Variants in TSHZ3 observed in about 807,000 individuals in gnomAD.
TSHZ3 encodes the protein teashirt zinc finger homeobox 3.
In TSHZ3, 10 loss-of-function variants were observed where a neutral mutation model predicts 64.5. The ratio of observed to expected loss-of-function variants is 0.16; its 90% CI spans 0.10 to 0.26. The LOEUF is 0.26. TSHZ3 is among the 10% of genes least tolerant of loss of function. The pLI, the probability that TSHZ3 is intolerant of heterozygous loss-of-function variation, is 1.00. For missense variants in TSHZ3, 1,242 were observed against 1,421.7 expected, an observed-to-expected ratio of 0.87 and a Z score of 2.03; for synonymous variants, 608 against 593.1, an observed-to-expected ratio of 1.03 and a Z score of -0.36.
chr19:31,204,350 C>CCGT (rs1208192342), intron 5 of TSHZ3, among the ~76,000 whole-genome samples: 2 of 151,258 alleles, frequency 1.3e-5, no homozygotes, highest in South Asian at 2.1e-4. Context: ...TCCTTCCCTC[C>CCGT]CGTCCTTCCT....
chr19:31,183,331 A>T (rs1252415614), intron 5 of TSHZ3, among the ~76,000 whole-genome samples: 1 of 152,084 alleles, frequency 6.6e-6, no homozygotes, highest in Admixed American at 6.6e-5. Context: ...TTCCCTGCAA[A>T]GCCTGAAGGC....
intron 3 of TSHZ3, among the ~76,000 whole-genome samples, chr19:31,230,627 CCCA>C: frequency 6.6e-6 from 1 of 151,712 alleles, no homozygotes; most frequent in Middle Eastern, 3.4e-3. Context: ...GAGAAGACAA[CCCA>C]CCTCTCAGGG....
intron 4 of TSHZ3, among the ~76,000 whole-genome samples, chr19:31,209,732 G>C (rs1422998455): frequency 6.6e-6 from 1 of 152,150 alleles, no homozygotes; most frequent in East Asian, 1.9e-4. Context: ...GACATGAATG[G>C]GGCTAACTCA....
In TSHZ3 at chr19:31,179,014, C is replaced by CTGATGATGATGATGA. The variant is rs760717001; in HGVS notation, n.810-22612_810-22598dup. Among the ~76,000 whole-genome samples the CTGATGATGATGATGA allele has an allele frequency of 5.7e-3, 645 of 112,196 alleles. 22 individuals are homozygous for CTGATGATGATGATGA. The East Asian group carries it at 0.081, about 14-fold the overall frequency. 73.6% of individuals were successfully genotyped at this position (112,196 alleles called of 152,430 possible). A position where few individuals can be genotyped will look rare whatever the true frequency, so the allele number is the denominator to read the frequency against. On this transcript the variant is annotated intron_variant and non_coding_transcript_variant, in intron 5 of 6. Transcript: ENST00000651361. ...CAGGAGACCTGGACTGCAGAAGGCA[C>CTGATGATGATGATGA]TGATGATGATGATGATGATGATGAT...
At position 31,279,687 on chromosome 19, in the gene TSHZ3, T is replaced by C; in HGVS notation, c.106A>G (p.Thr36Ala). ...VDEGLDPEEH[T>A]ADGEPSAKYM... ...TTGGCCGAGGGCTCTCCATCTGCCG[T>C]ATGCTCCTCTGGGTCTAAACCTTCG... is the stretch of plus-strand genomic sequence containing the variant. The change falls in exon 2 of 2, where the codon ACG becomes GCG. Residue 36 changes from threonine (T) to alanine (A), a missense_variant. This residue lies in a region of TSHZ3 where 555 missense variants were observed against 704.0 expected (regional missense o/e 0.79). Coordinates refer to ENST00000240587, the MANE Select transcript of TSHZ3 (RefSeq NM_020856.4). This position sits in a 1 kb window ranked among gnomAD's most constrained non-coding sequence, Gnocchi z 6.4. The C allele has an allele frequency of 6.4e-7, 1 of 1,571,494 alleles. No homozygotes were observed. Among genetic ancestry groups the C allele is most frequent in the South Asian group, 1.2e-5 (1 of 84,250 alleles).
intron 1 of TSHZ3, among the ~76,000 whole-genome samples, chr19:31,338,588 T>TC (rs1249721990): frequency 6.7e-6 from 1 of 150,164 alleles, no homozygotes; most frequent in Non-Finnish European, 1.5e-5. Context: ...TTTCTTTTTT[T>TC]TTTTTTTTTA....
downstream of TSHZ3, among the ~76,000 whole-genome samples, chr19:31,274,722 T>C (rs933948551): frequency 6.6e-6 from 1 of 151,998 alleles, no homozygotes; most frequent in African/African-American, 2.4e-5. Flanking sequence ...TGAATGTTTA[T>C]TCTCGGTGCA....
At chr19:31,245,732 C>T (rs1040787206) in intron 1 of TSHZ3, among the ~76,000 whole-genome samples, 3 of 152,144 alleles carry the variant, frequency 2.0e-5, no homozygotes, top group African/African-American at 7.2e-5. Flanking sequence ...AAGATAGTTG[C>T]AGTCTCAAGA....
chr19:31,173,608 T>C (rs750234839), intron 5 of TSHZ3, among the ~76,000 whole-genome samples: 1 of 152,222 alleles, frequency 6.6e-6, no homozygotes, highest in Non-Finnish European at 1.5e-5. Context: ...CCAGGGCATT[T>C]GCACATGCTA....
At chr19:31,184,988 G>T (rs1974780899) in intron 5 of TSHZ3, among the ~76,000 whole-genome samples, 1 of 152,082 alleles carries the variant, frequency 6.6e-6, no homozygotes, top group Non-Finnish European at 1.5e-5. Context: ...CCTCTGTGCT[G>T]AGCAGAGCAG....
At chr19:31,190,475 C>T (rs566168944) in intron 5 of TSHZ3, among the ~76,000 whole-genome samples, 2 of 152,176 alleles carry the variant, frequency 1.3e-5, no homozygotes, top group Admixed American at 6.5e-5. Context: ...ATTTCAATCT[C>T]GGAAAAGGAA....
intron 4 of TSHZ3, among the ~76,000 whole-genome samples, chr19:31,226,977 CTTTTTTT>C (rs3030229): frequency 1.2e-4 from 8 of 65,680 alleles, no homozygotes; most frequent in African/African-American, 7.8e-4. Flanking sequence ...TTCTTTCTTT[CTTTTTTT>C]TTTTTTTTTT....
exon 5 of TSHZ3, chr19:31,205,003 G>T (rs1262855432): frequency 6.6e-6 from 1 of 152,298 alleles, no homozygotes; most frequent in Non-Finnish European, 1.5e-5. Flanking sequence ...CAGCAGCGAG[G>T]ATGCTTTGAG....
chr19:31,349,392 C>G lies in TSHZ3; in HGVS notation c.-173G>C, dbSNP rs888892408. ...GCGCCCAGGCTCTCCGCGTCCCCCCCGCGCCGCGCTCCGCCGCGAACCCCG... is the reference window on the plus strand; with the variant it reads ...GCGCCCAGGCTCTCCGCGTCCCCCCGGCGCCGCGCTCCGCCGCGAACCCCG... On this transcript the variant is annotated 5_prime_UTR_variant, in exon 1 of 2. Coordinates refer to ENST00000240587, the MANE Select transcript of TSHZ3 (RefSeq NM_020856.4). 5 of 478,664 alleles carry G rather than the reference C, an allele frequency of 1.0e-5. No homozygotes were observed. The highest frequency in any genetic ancestry group is 1.0e-5 in the Non-Finnish European group (3 of 298,488). The allele number at this position is 478,664 out of a possible 1,614,324, so 29.7% of individuals were successfully genotyped here. A position where few individuals can be genotyped will look rare whatever the true frequency, so the allele number is the denominator to read the frequency against.
At chr19:31,256,984 G>A (rs1342132011) in intron 1 of TSHZ3, among the ~76,000 whole-genome samples, 1 of 152,208 alleles carries the variant, frequency 6.6e-6, no homozygotes, top group Admixed American at 6.5e-5. Context: ...GTTCCTCTGT[G>A]TTCCCTGTCC....
At chr19:31,184,088 C>T (rs775883578) in intron 5 of TSHZ3, among the ~76,000 whole-genome samples, 26 of 152,116 alleles carry the variant, frequency 1.7e-4, no homozygotes, top group Admixed American at 5.2e-4. Context: ...AAAATTAGCT[C>T]GGTATACATT....
chr19:31,284,842 G>T (rs1599625162), intron 1 of TSHZ3, among the ~76,000 whole-genome samples: 1 of 152,164 alleles, frequency 6.6e-6, no homozygotes, highest in South Asian at 2.1e-4. Flanking sequence ...GCCCAGAGTG[G>T]CCACTCAATA....
chr19:31,156,797 A>C (rs564880336), intron 5 of TSHZ3, among the ~76,000 whole-genome samples: 1 of 152,316 alleles, frequency 6.6e-6, no homozygotes, highest in East Asian at 1.9e-4. Context: ...AATAAGTGTC[A>C]TGGCTTAACA....
In TSHZ3 at chr19:31,263,934, G is replaced by A. The variant is rs1046582353; in HGVS notation, n.64-21059C>T. Among the ~76,000 whole-genome samples, 5 of 152,320 alleles carry A rather than the reference G, an allele frequency of 3.3e-5. No homozygotes were observed. In the South Asian group the frequency reaches 1.0e-3, roughly 32 times the overall value. ...AGCAGAAACAGTGGGGGAGGAGGGG[G>A]AGGCCCATAGCTCCAGCCTTGGCTC... On this transcript the variant is annotated intron_variant and non_coding_transcript_variant, in intron 1 of 6. Coordinates refer to the TSHZ3 transcript ENST00000651361.
Sources: allele counts gnomAD v4.1 joint callset (sites outside exome capture counted in the v4.1 genomes callset), GRCh38; gene constraint gnomAD v4.1.1; regional missense constraint gnomAD v4.1.1; non-coding constraint Gnocchi (gnomAD v3.1); transcripts MANE v1.5; gene names NCBI Gene and HGNC (gene_info 2026-07-23, HGNC 2026-07-21).